The following IFT122 variants were observed in gnomAD, a reference collection of about 807,000 sequenced individuals.
IFT122 encodes intraflagellar transport 122.
A neutral mutation model predicts 161.6 loss-of-function variants in IFT122; 118 were observed. The ratio of observed to expected loss-of-function variants is 0.73; its 90% CI spans 0.63 to 0.85. IFT122 has a LOEUF of 0.85. IFT122 is among the 40% of genes least tolerant of loss of function. IFT122 has a pLI of 0.00. For synonymous variants in IFT122, 550 were observed against 602.4 expected, an observed-to-expected ratio of 0.91 and a Z score of 1.27; for missense variants, 1,381 against 1,579.6, an observed-to-expected ratio of 0.87 and a Z score of 2.13.
Position 129,452,052 on chromosome 3 carries a change from T to C in IFT122, c.193+54T>C. On this transcript the variant is annotated intron_variant, in intron 3 of 29. Transcript: ENST00000348417. ...CTATAATAGCCTCATCATTGTTCATTTTTCTCTTTAGTCACTTTTTAATTA... is the reference window on the plus strand; with the variant it reads ...CTATAATAGCCTCATCATTGTTCATCTTTCTCTTTAGTCACTTTTTAATTA... 14 of 1,303,556 alleles carry C rather than the reference T, an allele frequency of 1.1e-5. No individual in the cohort carries two copies. In the South Asian group the frequency reaches 1.7e-4, roughly 15 times the overall value. The allele number at this position is 1,303,556 out of a possible 1,614,324, so 80.7% of individuals were successfully genotyped here.
chr3:129,459,714 TTCCTTCCTTCCTTCCC>T (rs1441150570), intron 4 of IFT122, among the ~76,000 whole-genome samples: 1 of 102,994 alleles, frequency 9.7e-6, no homozygotes, highest in Non-Finnish European at 1.8e-5. Flanking sequence ...CCTTCCTTCC[TTCCTTCCTTCCTTCCC>T]TCCCTCCCTC....
rs775105041 is a variant in IFT122, at chr3:129,495,506, C to T, written c.2107C>T (p.Gln703Ter). The change falls in exon 18 of 30, where the codon CAG becomes TAG. Residue 703 changes from glutamine (Q) to a stop codon, truncating the protein, a stop_gained. Coordinates refer to ENST00000348417, the MANE Select transcript of IFT122 (RefSeq NM_052989.3). LOFTEE classifies it high-confidence loss of function. ...DLFLADVFSY[Q>*]GKFHEAAKLY... ...GTTTCTGGCAGATGTGTTTTCCTAC[C>T]AGGGGAAGTTCCATGAGGCCGCCAA... The T allele has an allele frequency of 1.1e-5, 17 of 1,614,064 alleles. No homozygotes were observed. The highest frequency in any genetic ancestry group is 1.4e-5 in the Non-Finnish European group (17 of 1,180,050).
At chr3:129,461,599 C>T in intron 5 of IFT122, 1 of 448,572 alleles carries the variant, frequency 2.2e-6, no homozygotes, top group Non-Finnish European at 4.1e-6. Context: ...CTTTGGGAAG[C>T]CTTCCCTTGG....
At chr3:129,466,445 G>T (rs973495741) in intron 7 of IFT122, among the ~76,000 whole-genome samples, 17 of 149,978 alleles carry the variant, frequency 1.1e-4, no homozygotes, top group African/African-American at 3.9e-4. Context: ...CCTGGTGGCT[G>T]TCCTCCTCCA....
chr3:129,451,827 A>T, intron 2 of IFT122, 87 bp from the exon 3 acceptor site: 1 of 1,139,230 alleles, frequency 8.8e-7, no homozygotes, highest in Non-Finnish European at 1.3e-6. Flanking sequence ...ACGTATTGTT[A>T]TAAAAACAAA....
rs747491185 is a variant in IFT122 at position 129,440,299 on chromosome 3, T to C, written c.-32T>C. 2 of 1,547,012 alleles carry C rather than the reference T, an allele frequency of 1.3e-6. No homozygotes were observed. Among genetic ancestry groups the C allele is most frequent in the African/African-American group, 1.4e-5 (1 of 72,740 alleles). On this transcript the variant is annotated 5_prime_UTR_variant, in exon 1 of 30. Coordinates refer to ENST00000348417, the MANE Select transcript of IFT122 (RefSeq NM_052989.3). ...TTGCTGAGACAGACGCTGAGGCGGG[T>C]AGGAGGAGCCCGAGCCGTAAGGGAA... is the stretch of plus-strand genomic sequence containing the variant.
At chr3:129,498,966 C>G (rs1464432750) in intron 18 of IFT122, among the ~76,000 whole-genome samples, 1 of 152,214 alleles carries the variant, frequency 6.6e-6, no homozygotes, top group East Asian at 1.9e-4. Context: ...GGCTGTTTCT[C>G]ACACATTGTA....
At chr3:129,448,383 T>C (rs1227036934) in intron 1 of IFT122, among the ~76,000 whole-genome samples, 2 of 152,222 alleles carry the variant, frequency 1.3e-5, no homozygotes, top group Non-Finnish European at 2.9e-5. Flanking sequence ...CTGATTTACA[T>C]AGGGCACAAA....
At chr3:129,476,890 G>A (rs1287538935) in intron 11 of IFT122, 89 bp downstream of exon 11, 3 of 1,558,224 alleles carry the variant, frequency 1.9e-6, no homozygotes, top group African/African-American at 1.4e-5. Flanking sequence ...GACAGGAAAA[G>A]GTTTCTCTTT....
chr3:129,478,977 A>G (rs894169336), intron 12 of IFT122, among the ~76,000 whole-genome samples: 3 of 152,198 alleles, frequency 2.0e-5, no homozygotes, highest in African/African-American at 4.8e-5. Flanking sequence ...GTCAATGCCA[A>G]GAGAAGTTTG....
At chr3:129,502,569 A>G (rs1392675899) in intron 19 of IFT122, 142 bp from the exon 20 acceptor site, 21 of 926,658 alleles carry the variant, frequency 2.3e-5, no homozygotes, top group South Asian at 1.3e-4. Flanking sequence ...GTGTGTATTC[A>G]TGCATTTAAT....
intron 3 of IFT122, among the ~76,000 whole-genome samples, chr3:129,455,695 A>T (rs1553735699): frequency 1.3e-5 from 2 of 152,190 alleles, no homozygotes; most frequent in Non-Finnish European, 2.9e-5. Context: ...CTTTACTATT[A>T]ATAGCCTACT....
intron 23 of IFT122, among the ~76,000 whole-genome samples, chr3:129,508,355 A>G (rs114440105): frequency 1.9e-3 from 286 of 152,288 alleles, no homozygotes; most frequent in African/African-American, 6.7e-3. Flanking sequence ...TATCTCCTCA[A>G]TCACCCAACA....
At position 129,514,464 on chromosome 3, in the gene IFT122, G is replaced by T. The variant is rs1297785189; in HGVS notation, c.3063G>T (p.Lys1021Asn). Residue 1021 changes from lysine (K) to asparagine (N), a missense_variant, in exon 25 of 30, where the codon AAG (lysine) becomes AAT (asparagine). Coordinates refer to ENST00000348417, the MANE Select transcript of IFT122 (RefSeq NM_052989.3). The stretch of plus-strand genomic sequence containing the variant: ...GGCTGGCCCGGCACGCCTATGACAA[G>T]CTGCGTGGCCTGTACATCCCTGCCA... ...AYRLARHAYD[K>N]LRGLYIPARF... 6.2e-6 allele frequency: 10 copies of T among 1,614,098 alleles called. No homozygotes were observed. The highest frequency in any genetic ancestry group is 8.5e-6 in the Non-Finnish European group (10 of 1,180,048).
intron 11 of IFT122, among the ~76,000 whole-genome samples, chr3:129,477,564 T>C (rs1406097525): frequency 1.3e-5 from 2 of 152,146 alleles, no homozygotes; most frequent in Admixed American, 1.3e-4. Flanking sequence ...CTTCACAGTG[T>C]CCCCCTTAGG....
Position 129,488,344 on chromosome 3 carries a change from C to G in IFT122, c.1939C>G (p.Arg647Gly), listed in dbSNP as rs761881670. Residue 647 changes from arginine to glycine, a missense_variant, in exon 16 of 30, where the codon CGT (arginine) becomes GGT (glycine). Around this residue, in one of 7 missense-constraint regions of IFT122, gnomAD observed 544 missense variants for 648.0 expected, o/e 0.84. Coordinates refer to ENST00000348417, the MANE Select transcript of IFT122 (RefSeq NM_052989.3). ...ACLGVTDTDW[R>G]ELAMEALEGL... is the part of the protein sequence containing the mutation. ...CTTGGGTGTCACAGACACTGATTGG[C>G]GTGAACTGGCCATGGAAGCGCTAGA... The G allele has an allele frequency of 8.1e-6, 13 of 1,614,022 alleles. No homozygotes were observed. The highest frequency in any genetic ancestry group is 1.1e-5 in the Non-Finnish European group (13 of 1,180,040).
chr3:129,490,123 A>G (rs1162876322), intron 16 of IFT122, among the ~76,000 whole-genome samples: 1 of 152,144 alleles, frequency 6.6e-6, no homozygotes, highest in Non-Finnish European at 1.5e-5. Flanking sequence ...TCAGCCTCCC[A>G]AAGTGCTGGG....
At position 129,502,738 on chromosome 3, in the gene IFT122, C is replaced by A; in HGVS notation, c.2403C>A (p.Asp801Glu). The A allele has an allele frequency of 1.2e-6, 2 of 1,610,130 alleles. No homozygotes were observed. Among genetic ancestry groups the A allele is most frequent in the Non-Finnish European group, 1.7e-6 (2 of 1,180,022 alleles). Residue 801 changes from aspartate to glutamate, a missense_variant, in exon 20 of 30, where the codon GAC becomes GAA. Asp to Glu is a conservative substitution (Grantham distance 45, BLOSUM62 2). This residue lies in a region of IFT122 where 496 missense variants were observed against 502.5 expected (regional missense o/e 0.99). Coordinates refer to ENST00000348417, the MANE Select transcript of IFT122 (RefSeq NM_052989.3). ...TGATCGACATCGCCCGCAAACTGGA[C>A]AAGGCTGAGCGCGAGCCCCTGCTGC... ...DMLIDIARKLDKAEREPLLLC... is the reference protein window; with the variant it reads ...DMLIDIARKLEKAEREPLLLC...
intron 5 of IFT122, among the ~76,000 whole-genome samples, chr3:129,462,806 G>A (rs904467477): frequency 2.0e-5 from 3 of 152,236 alleles, no homozygotes; most frequent in African/African-American, 7.2e-5. Flanking sequence ...CACTGAGCCA[G>A]GGCATCTGGG....
Sources: gnomAD v4.1 joint callset for allele counts (sites outside exome capture counted in the v4.1 genomes callset) on GRCh38, gnomAD v4.1.1 for gene constraint, gnomAD v4.1.1 regional missense constraint, MANE v1.5 for transcripts, NCBI Gene and HGNC (gene_info 2026-07-23, HGNC 2026-07-21) for gene names.